The following FAM184B variants were observed in gnomAD, a reference collection of about 807,000 sequenced individuals.
The protein encoded by FAM184B is protein FAM184B.
FAM184B carries 111 observed loss-of-function variants against 135.9 expected under a neutral mutation model. That is an observed-to-expected ratio of 0.82 (90% CI 0.70 to 0.96). FAM184B has a LOEUF of 0.96. Ranked by LOEUF, FAM184B falls within the 40% of genes least tolerant of loss-of-function variation. The pLI is 0.00. For synonymous variants in FAM184B, 552 were observed against 524.8 expected (o/e 1.05, Z -0.71); for missense variants, 1,375 against 1,323.9 (o/e 1.04, Z -0.60).
chr4:17,637,241 C>T (rs1054717292), intron 14 of FAM184B, among the ~76,000 whole-genome samples: 43 of 152,316 alleles, frequency 2.8e-4, no homozygotes, highest in African/African-American at 9.6e-4. Flanking sequence ...GTTGGCCAGG[C>T]TGGTCTGGAA....
chr4:17,678,676 C>T (rs1238513213), intron 7 of FAM184B, among the ~76,000 whole-genome samples: 1 of 151,992 alleles, frequency 6.6e-6, no homozygotes, highest in African/African-American at 2.4e-5. Context: ...TAGGAAAAAA[C>T]AAACCTAAAA....
At chr4:17,638,468 C>G (rs146948841) in intron 14 of FAM184B, among the ~76,000 whole-genome samples, 29 of 152,026 alleles carry the variant, frequency 1.9e-4, no homozygotes, top group South Asian at 8.3e-4. Flanking sequence ...ATGCAAAGTG[C>G]TAGGATTACA....
At chr4:17,651,808 G>A (rs1192654751) in intron 11 of FAM184B, among the ~76,000 whole-genome samples, 3 of 152,148 alleles carry the variant, frequency 2.0e-5, no homozygotes, top group Non-Finnish European at 2.9e-5. Context: ...CACCCAGGCA[G>A]TTTGGCTCTA....
chr4:17,768,288 TTTTA>T (rs1199424027), intron 1 of FAM184B, among the ~76,000 whole-genome samples: 5 of 150,362 alleles, frequency 3.3e-5, no homozygotes, highest in Admixed American at 2.0e-4. Context: ...CCACCCCCCC[TTTTA>T]TTTGAGACGA....
chr4:17,731,543 A>G (rs1427900325), intron 1 of FAM184B, among the ~76,000 whole-genome samples: 3 of 152,328 alleles, frequency 2.0e-5, no homozygotes, highest in East Asian at 1.9e-4. Context: ...CTCTGATAAA[A>G]AAGACTTTAA....
rs1007114740 is a variant in FAM184B, at chr4:17,774,997, T to C, written c.141+6162A>G. On this transcript the variant is annotated intron_variant, in intron 1 of 17. Coordinates refer to ENST00000265018, the MANE Select transcript of FAM184B (RefSeq NM_015688.2). ...GAATAAGATATTTTCCTTTTCTTTT[T>C]TTTTTTTTTTTTTTTTTTGAGATGG... is the stretch of plus-strand genomic sequence containing the variant. Among the ~76,000 whole-genome samples the C allele has an allele frequency of 2.7e-3, 363 of 133,036 alleles. 2 individuals carry two copies. The highest frequency in any genetic ancestry group is 9.8e-3 in the African/African-American group (343 of 34,888). The allele number at this position is 133,036 out of a possible 152,430, so 87.3% of individuals were successfully genotyped here. A position where few individuals can be genotyped will look rare whatever the true frequency, so the allele number is the denominator to read the frequency against.
In FAM184B at chr4:17,753,795, G is replaced by A. The variant is rs1304889376; in HGVS notation, c.141+27364C>T. ...GTCTTAGGTGACCATAAGAGAGGGC[G>A]ATCTCTGCATTGTGATGTTCCAGGC... On this transcript the variant is annotated intron_variant, in intron 1 of 17. Coordinates refer to ENST00000265018, the MANE Select transcript of FAM184B (RefSeq NM_015688.2). Among the ~76,000 whole-genome samples, 8 of 152,186 alleles carry A rather than the reference G, an allele frequency of 5.3e-5. No individual in the cohort carries two copies. The South Asian group carries it at 1.0e-3, about 20-fold the overall frequency.
intron 1 of FAM184B, among the ~76,000 whole-genome samples, chr4:17,759,351 A>G (rs888656861): frequency 6.6e-6 from 1 of 152,138 alleles, no homozygotes; most frequent in Admixed American, 6.5e-5. Context: ...TGAAAGACAC[A>G]CTGACTTCCC....
At chr4:17,685,059 T>C (rs940558402) in intron 7 of FAM184B, among the ~76,000 whole-genome samples, 2 of 151,512 alleles carry the variant, frequency 1.3e-5, no homozygotes, top group Non-Finnish European at 2.9e-5. Flanking sequence ...GGTGTTGGGT[T>C]GAGGAGAGCA....
At chr4:17,634,069 T>C (rs1715050768) in intron 16 of FAM184B, 181 bp from the exon 17 acceptor site, 2 of 469,418 alleles carry the variant, frequency 4.3e-6, no homozygotes, top group South Asian at 5.1e-5. Context: ...TTTTGTATTA[T>C]AAATAAATAT....
rs191101092 is a variant in FAM184B at position 17,737,067 on chromosome 4, C to T, written c.142-27423G>A. ...AGCTGAGGCAGGAGACTCACTTAAA[C>T]CCAGGGGCGGAGGTTACAGTGAGCT... On this transcript the variant is annotated intron_variant, in intron 1 of 17. Transcript: ENST00000265018. Among the ~76,000 whole-genome samples the T allele has an allele frequency of 1.9e-4, 29 of 152,182 alleles. No individual in the cohort carries two copies. In the East Asian group the frequency reaches 5.6e-3, roughly 29 times the overall value.
In FAM184B at chr4:17,652,920, G is replaced by C. The variant is rs1411435602; in HGVS notation, c.2101C>G (p.Arg701Gly). Residue 701 changes from arginine to glycine, a missense_variant, in exon 11 of 18, where the codon CGA becomes GGA. Arg to Gly is a moderately radical substitution (Grantham distance 125, BLOSUM62 -2). Transcript: ENST00000265018. The part of the protein sequence containing the change: ...HSLQIQHQTH[R>G]LELQALEEKA... ...TCCTCCAAGGCCTGGAGCTCCAGTC[G>C]GTGTGTCTGGTGTTGGATCTGGAGG... is the stretch of plus-strand genomic sequence containing the variant. The C allele has an allele frequency of 2.6e-6, 4 of 1,551,584 alleles. No homozygotes were observed. The highest frequency in any genetic ancestry group is 1.2e-5 in the South Asian group (1 of 84,066).
At chr4:17,657,771 C>G (rs1346583814) in intron 10 of FAM184B, among the ~76,000 whole-genome samples, 1 of 150,146 alleles carries the variant, frequency 6.7e-6, no homozygotes, top group Non-Finnish European at 1.5e-5. Context: ...ATTTTCCTGC[C>G]TCAGCCTCCC....
chr4:17,631,583 A>C lies in FAM184B; in HGVS notation c.*949T>G, dbSNP rs909189463. On this transcript the variant is annotated 3_prime_UTR_variant, in exon 18 of 18. Transcript: ENST00000265018. Reference sequence around the variant, plus strand: ...GCTAGGATTGGTTATTTACAGAAAAACCTTGTGGTACTTAATTCCAATTCA... The same window carrying C: ...GCTAGGATTGGTTATTTACAGAAAACCCTTGTGGTACTTAATTCCAATTCA... 6.6e-6 allele frequency: 1 copy of C among 151,802 alleles called. No individual in the cohort carries two copies. The highest frequency in any genetic ancestry group is 1.5e-5 in the Non-Finnish European group (1 of 67,986). The allele number at this position is 151,802 out of a possible 1,614,324, so 9.4% of individuals were successfully genotyped here. A position where few individuals can be genotyped will look rare whatever the true frequency, so the allele number is the denominator to read the frequency against.
chr4:17,751,666 C>G (rs1277723775), intron 1 of FAM184B, among the ~76,000 whole-genome samples: 1 of 152,034 alleles, frequency 6.6e-6, no homozygotes, highest in Non-Finnish European at 1.5e-5. Flanking sequence ...CTATCTGAGC[C>G]TGTTTCAACA....
chr4:17,772,696 T>C (rs897854627), intron 1 of FAM184B, among the ~76,000 whole-genome samples: 2 of 152,242 alleles, frequency 1.3e-5, no homozygotes, highest in Non-Finnish European at 2.9e-5. Context: ...GGTGTGAGTC[T>C]GTTTTGAGAC....
intron 7 of FAM184B, among the ~76,000 whole-genome samples, chr4:17,684,734 C>G (rs74644369): frequency 0.22 from 34,158 of 152,178 alleles, 4,707 homozygotes; most frequent in East Asian, 0.61. Flanking sequence ...ATCTGCACTT[C>G]CCTCTAGAAA....
At chr4:17,754,082 G>T (rs1317941842) in intron 1 of FAM184B, among the ~76,000 whole-genome samples, 1 of 152,162 alleles carries the variant, frequency 6.6e-6, no homozygotes, top group African/African-American at 2.4e-5. Flanking sequence ...TGAACCAGAA[G>T]TCAACACAGC....
At chr4:17,721,123 G>C (rs1393902269) in intron 1 of FAM184B, among the ~76,000 whole-genome samples, 1 of 151,186 alleles carries the variant, frequency 6.6e-6, no homozygotes. Context: ...GGTGGCTTAC[G>C]CCTGTAATCC....
Sources: gnomAD v4.1 joint callset for allele counts (sites outside exome capture counted in the v4.1 genomes callset) on GRCh38, gnomAD v4.1.1 for gene constraint, MANE v1.5 for transcripts, NCBI Gene and HGNC (gene_info 2026-07-23, HGNC 2026-07-21) for gene names.